The following CUBN variants were observed in gnomAD, a reference collection of about 807,000 sequenced individuals.
CUBN encodes 460 kDa receptor.
In CUBN, 282 loss-of-function variants were observed where a neutral mutation model predicts 405.3. That is an observed-to-expected ratio of 0.70 (90% CI 0.63 to 0.77). The LOEUF is 0.77. Among genes scored for constraint, CUBN ranks in the 30% least tolerant of loss-of-function variants. The pLI is 0.00. For synonymous variants in CUBN, 1,684 were observed against 1,617.0 expected (o/e 1.04, Z -0.99); for missense variants, 4,514 against 4,475.2 (o/e 1.01, Z -0.25).
intron 36 of CUBN, among the ~76,000 whole-genome samples, chr10:16,944,360 C>T (rs967766603): frequency 6.6e-6 from 1 of 152,140 alleles, no homozygotes; most frequent in African/African-American, 2.4e-5. Flanking sequence ...ATATGTCTTA[C>T]AAAAAACTCC....
rs573978133 is a variant in CUBN at position 16,826,171 on chromosome 10, C to T, written c.10765-1089G>A. On this transcript the variant is annotated intron_variant, in intron 66 of 66. Transcript: ENST00000377833. The stretch of plus-strand genomic sequence containing the variant: ...ATTTCCCTGTGAACAATGGTATTTA[C>T]CGTAATATAAAATATCTCCAAATCA... Among the ~76,000 whole-genome samples, 41 of 152,198 alleles carry T rather than the reference C, an allele frequency of 2.7e-4. 1 individual carries two copies. The South Asian group carries it at 5.4e-3, about 20-fold the overall frequency.
At chr10:16,846,866 A>G (rs1321555639) in intron 60 of CUBN, among the ~76,000 whole-genome samples, 1 of 151,336 alleles carries the variant, frequency 6.6e-6, no homozygotes, top group Non-Finnish European at 1.5e-5. Context: ...GATGGGGTTG[A>G]GGAAAAACTG....
intron 28 of CUBN, among the ~76,000 whole-genome samples, chr10:16,995,351 A>G (rs943563978): frequency 1.3e-5 from 2 of 152,224 alleles, no homozygotes; most frequent in African/African-American, 4.8e-5. Flanking sequence ...TAGGTAAGTA[A>G]TCTAACCTTT....
chr10:16,987,092 G>A (rs773555719), intron 29 of CUBN, among the ~76,000 whole-genome samples: 2 of 152,208 alleles, frequency 1.3e-5, no homozygotes, highest in Non-Finnish European at 2.9e-5. Flanking sequence ...CCAAGCAATT[G>A]TCCTGGTTTA....
At position 17,109,735 on chromosome 10, in the gene CUBN, C is replaced by T. The variant is rs1174629876; in HGVS notation, c.1016G>A (p.Gly339Glu). The T allele has an allele frequency of 1.9e-6, 3 of 1,612,544 alleles. No individual in the cohort carries two copies. The highest frequency in any genetic ancestry group is 2.5e-6 in the Non-Finnish European group (3 of 1,179,214). The change falls in exon 10 of 67, where the codon GGG becomes GAG. Residue 339 changes from glycine to glutamate, a missense_variant and splice_region_variant. Around this residue, in one of 5 missense-constraint regions of CUBN, gnomAD observed 1,448 missense variants for 1,388.0 expected, o/e 1.04. Coordinates refer to ENST00000377833, the MANE Select transcript of CUBN (RefSeq NM_001081.4). The stretch of plus-strand genomic sequence containing the variant: ...GCACACTCTTCCGTCACCCTGGTAC[C>T]CTGATGAGAACAAGAGCCAGGTCAT... Reference protein sequence around the residue: ...GSSHCQACPPGYQGDGRVCTL... With the variant: ...GSSHCQACPPEYQGDGRVCTL...
chr10:17,092,463 T>C (rs958154346), intron 14 of CUBN, among the ~76,000 whole-genome samples: 9 of 152,062 alleles, frequency 5.9e-5, no homozygotes, highest in Admixed American at 2.0e-4. Flanking sequence ...GAATTCATAG[T>C]CACGGGATGA....
intron 31 of CUBN, among the ~76,000 whole-genome samples, chr10:16,955,201 G>A (rs901193801): frequency 1.4e-4 from 20 of 147,636 alleles, no homozygotes; most frequent in African/African-American, 1.8e-4. Flanking sequence ...CGAGACCCCC[G>A]TCTCTAATAA....
chr10:16,865,638 C>T (rs1052738271), intron 59 of CUBN, among the ~76,000 whole-genome samples: 3 of 152,026 alleles, frequency 2.0e-5, no homozygotes, highest in African/African-American at 4.8e-5. Flanking sequence ...CCAATCAACG[C>T]TCTGTAAAAT....
chr10:16,832,628 A>G (rs1839042360), intron 64 of CUBN, among the ~76,000 whole-genome samples: 1 of 152,208 alleles, frequency 6.6e-6, no homozygotes, highest in African/African-American at 2.4e-5. Context: ...TGAGAGGAGC[A>G]GCAGGATACT....
At chr10:17,026,046 C>T (rs1834654602) in intron 27 of CUBN, among the ~76,000 whole-genome samples, 1 of 152,140 alleles carries the variant, frequency 6.6e-6, no homozygotes, top group South Asian at 2.1e-4. Flanking sequence ...GTTGCAGCCT[C>T]CCTTCCCCTT....
chr10:17,001,135 G>C (rs1036662563), intron 28 of CUBN, among the ~76,000 whole-genome samples: 1 of 152,170 alleles, frequency 6.6e-6, no homozygotes, highest in Non-Finnish European at 1.5e-5. Flanking sequence ...CATTCTTCCC[G>C]GTGGGTTTCT....
intron 31 of CUBN, among the ~76,000 whole-genome samples, chr10:16,975,005 T>A (rs1399109199): frequency 1.3e-5 from 2 of 152,194 alleles, no homozygotes; most frequent in Non-Finnish European, 2.9e-5. Context: ...CTTCTGTCCG[T>A]CATAGGTATT....
chr10:16,977,757 A>T lies in CUBN; in HGVS notation c.4695+4727T>A, dbSNP rs1315965780. Among the ~76,000 whole-genome samples the T allele has an allele frequency of 2.0e-5, 3 of 152,146 alleles. No homozygotes were observed. The East Asian group carries it at 5.8e-4, about 29-fold the overall frequency. On this transcript the variant is annotated intron_variant, in intron 31 of 66. Coordinates refer to ENST00000377833, the MANE Select transcript of CUBN (RefSeq NM_001081.4). Reference sequence around the variant, plus strand: ...GGGAGTTGTAGGCACCCACCCCTAGATGCTACCATGGGGCCCGGAGTCCAG... The same window carrying T: ...GGGAGTTGTAGGCACCCACCCCTAGTTGCTACCATGGGGCCCGGAGTCCAG...
chr10:17,078,928 A>C (rs781710446), intron 17 of CUBN, among the ~76,000 whole-genome samples: 1 of 152,180 alleles, frequency 6.6e-6, no homozygotes, highest in Admixed American at 6.6e-5. Flanking sequence ...CGCATGTTCA[A>C]TGGGTTTGCA....
At chr10:16,909,596 T>C (rs1476880433) in intron 48 of CUBN, among the ~76,000 whole-genome samples, 1 of 152,224 alleles carries the variant, frequency 6.6e-6, no homozygotes, top group South Asian at 2.1e-4. Context: ...TAATGGGACA[T>C]GTCGGAAACT....
intron 23 of CUBN, 70 bp from the exon 24 acceptor site, chr10:17,046,164 T>G: frequency 6.9e-7 from 1 of 1,446,278 alleles, no homozygotes. Flanking sequence ...TTAACATAAT[T>G]TGAACTTTGG....
At chr10:16,954,580 T>A (rs1457740596) in intron 31 of CUBN, 32 bp from the exon 32 acceptor site, 3 of 1,610,924 alleles carry the variant, frequency 1.9e-6, no homozygotes, top group Non-Finnish European at 2.5e-6. Flanking sequence ...AAACAGTGGT[T>A]CAGATTCACA....
intron 22 of CUBN, among the ~76,000 whole-genome samples, chr10:17,057,922 A>C (rs1320084735): frequency 6.6e-6 from 1 of 152,108 alleles, no homozygotes; most frequent in Non-Finnish European, 1.5e-5. Context: ...GGAGTTCAAG[A>C]CCAGCCTGGT....
At position 16,836,358 on chromosome 10, in the gene CUBN, A is replaced by G. The variant is rs1320398298; in HGVS notation, c.10057T>C (p.Phe3353Leu). The G allele has an allele frequency of 5.0e-6, 8 of 1,614,176 alleles. 1 individual carries two copies. In the Middle Eastern group the frequency reaches 4.9e-4, roughly 100 times the overall value. ...PQGHGNSRFQ[F>L]CGRNASAVPV... is the part of the protein sequence containing the mutation. ...ACAGCCGAAGCATTTCTGCCACAGAACTGAAATCTTGAATTTCCGTGACCC... is the reference window on the plus strand; with the variant it reads ...ACAGCCGAAGCATTTCTGCCACAGAGCTGAAATCTTGAATTTCCGTGACCC... The change falls in exon 63 of 67, where the codon TTC (phenylalanine) becomes CTC (leucine). Residue 3353 changes from phenylalanine (F) to leucine (L), a missense_variant. This residue lies in a region of CUBN where 1,186 missense variants were observed against 1,186.9 expected (regional missense o/e 1.00). Coordinates refer to ENST00000377833, the MANE Select transcript of CUBN (RefSeq NM_001081.4).
Sources: gnomAD v4.1 joint callset for allele counts (sites outside exome capture counted in the v4.1 genomes callset) on GRCh38, gnomAD v4.1.1 for gene constraint, gnomAD v4.1.1 regional missense constraint, MANE v1.5 for transcripts, NCBI Gene and HGNC (gene_info 2026-07-23, HGNC 2026-07-21) for gene names.